Variants in RTL4 observed in about 807,000 individuals in gnomAD.
RTL4 encodes the protein retrotransposon Gag-like protein 4.
A neutral mutation model predicts 5.3 loss-of-function variants in RTL4; 4 were observed. The ratio of observed to expected loss-of-function variants is 0.75; its 90% CI spans 0.37 to 1.72. The LOEUF is 1.72. RTL4 is among the 40% of genes most tolerant of loss of function. The pLI, the probability that RTL4 is intolerant of heterozygous loss-of-function variation, is 0.04. For synonymous variants in RTL4, 98 were observed against 87.3 expected (o/e 1.12, Z -0.68); for missense variants, 260 against 227.1 (o/e 1.14, Z -0.93).
chrX:112,227,646 G>A, the RTL4 span, among the ~76,000 whole-genome samples: 1 of 111,803 alleles, frequency 8.9e-6, no homozygotes, highest in African/African-American at 3.3e-5. Context: ...TGTAATAGTT[G>A]TAGATGGAGC....
At chrX:112,162,419 AG>A in the RTL4 span, among the ~76,000 whole-genome samples, 1 of 111,727 alleles carries the variant, frequency 9.0e-6, no homozygotes, top group Non-Finnish European at 1.9e-5. Flanking sequence ...AAAAGCTGTC[AG>A]GTATTCTTTT....
At chrX:112,429,311 A>T in the RTL4 span, among the ~76,000 whole-genome samples, 1 of 110,783 alleles carries the variant, frequency 9.0e-6, no homozygotes, top group African/African-American at 3.3e-5. Context: ...TTAGAATATT[A>T]ATTTTATTTC....
the RTL4 span, among the ~76,000 whole-genome samples, chrX:112,282,585 T>C: frequency 2.7e-5 from 3 of 112,021 alleles, no homozygotes; most frequent in African/African-American, 9.7e-5. Flanking sequence ...CTTTGCGTAG[T>C]ACAGACATTT....
At chrX:112,426,632 G>A in the RTL4 span, among the ~76,000 whole-genome samples, 1 of 111,371 alleles carries the variant, frequency 9.0e-6, no homozygotes, top group Non-Finnish European at 1.9e-5. Context: ...TTTTGGGGGT[G>A]CCAGTGTAAA....
At chrX:112,112,474 C>G in the RTL4 span, among the ~76,000 whole-genome samples, 17,992 of 111,324 alleles carry the variant, frequency 0.16, 2,193 homozygotes, top group African/African-American at 0.42. Context: ...AATGTCTTAG[C>G]GTGAGGATAA....
chrX:112,093,012 C>T, the RTL4 span, among the ~76,000 whole-genome samples: 4 of 111,125 alleles, frequency 3.6e-5, no homozygotes, highest in African/African-American at 9.8e-5. Flanking sequence ...TCCCAGTCCT[C>T]AAGGCTTAAG....
At chrX:112,352,993 A>G in the RTL4 span, among the ~76,000 whole-genome samples, 6 of 112,072 alleles carry the variant, frequency 5.4e-5, no homozygotes, top group Admixed American at 9.4e-5. Flanking sequence ...AAGAAAAAAA[A>G]CAAACAACCC....
the RTL4 span, chrX:112,382,196 G>T: frequency 8.4e-7 from 1 of 1,185,379 alleles, no homozygotes; most frequent in Non-Finnish European, 1.1e-6. Flanking sequence ...CTTCCCCAAG[G>T]CACCAAATCA....
the RTL4 span, among the ~76,000 whole-genome samples, chrX:112,276,645 C>A: frequency 9.0e-6 from 1 of 111,544 alleles, no homozygotes; most frequent in East Asian, 2.8e-4. Context: ...GGGCACACAG[C>A]AGAAGGGCTC....
chrX:112,171,094 G>A, the RTL4 span, among the ~76,000 whole-genome samples: 6 of 112,156 alleles, frequency 5.3e-5, no homozygotes, highest in African/African-American at 1.9e-4. Context: ...CAGGAATGAA[G>A]CCATCTTGAT....
At chrX:112,190,177 T>TTTC in the RTL4 span, among the ~76,000 whole-genome samples, 4 of 73,979 alleles carry the variant, frequency 5.4e-5, no homozygotes, top group African/African-American at 2.0e-4. Flanking sequence ...TCTTTCTTTC[T>TTTC]TTCTTTCTTT....
At chrX:112,330,469 A>T in the RTL4 span, among the ~76,000 whole-genome samples, 2 of 110,802 alleles carry the variant, frequency 1.8e-5, no homozygotes, top group South Asian at 7.7e-4. Context: ...GGACCTCTTC[A>T]GGGAGAACTA....
At chrX:112,176,623 C>T in the RTL4 span, among the ~76,000 whole-genome samples, 72 of 111,397 alleles carry the variant, frequency 6.5e-4, no homozygotes, top group African/African-American at 2.1e-3. Flanking sequence ...CAGTATGTAA[C>T]GACCTCATCA....
At chrX:112,403,037 C>T in the RTL4 span, among the ~76,000 whole-genome samples, 20 of 111,581 alleles carry the variant, frequency 1.8e-4, no homozygotes, top group Non-Finnish European at 3.0e-4. Flanking sequence ...TCACACTTTG[C>T]CCTGTTAAAC....
upstream of RTL4, among the ~76,000 whole-genome samples, chrX:112,452,026 T>G (rs1269019758): frequency 9.0e-6 from 1 of 110,627 alleles, no homozygotes. Context: ...TGCTAGGGAT[T>G]GGGTCTGAGT....
chrX:112,437,153 G>T, the RTL4 span, among the ~76,000 whole-genome samples: 1 of 111,592 alleles, frequency 9.0e-6, no homozygotes, highest in African/African-American at 3.3e-5. Flanking sequence ...TCACGACTTG[G>T]CAGACAATAG....
At chrX:112,443,566 T>C in the RTL4 span, among the ~76,000 whole-genome samples, 2 of 111,990 alleles carry the variant, frequency 1.8e-5, no homozygotes, top group East Asian at 5.6e-4. Context: ...GTGCACAAGG[T>C]TCCCTTTCCT....
the RTL4 span, among the ~76,000 whole-genome samples, chrX:112,086,778 A>G: frequency 2.7e-5 from 3 of 112,285 alleles, no homozygotes; most frequent in Non-Finnish European, 5.6e-5. Context: ...ATACATTATG[A>G]TGCTATTGCC....
the RTL4 span, among the ~76,000 whole-genome samples, chrX:112,270,667 C>A: frequency 9.0e-6 from 1 of 111,059 alleles, no homozygotes; most frequent in East Asian, 2.9e-4. Context: ...TAGCAGACAG[C>A]CCTGTGGCAA....
Sources: allele counts gnomAD v4.1 joint callset (sites outside exome capture counted in the v4.1 genomes callset), GRCh38; gene constraint gnomAD v4.1.1; transcripts MANE v1.5; gene names NCBI Gene and HGNC (gene_info 2026-07-23, HGNC 2026-07-21).